DMD: variants seen among roughly 807,000 people sequenced by gnomAD.
DMD encodes the protein dystrophin.
In DMD, 63 loss-of-function variants were observed where a neutral mutation model predicts 330.1. The observed-to-expected ratio is 0.19, with a 90% CI of 0.16 to 0.24. The LOEUF is 0.24. Among genes scored for constraint, DMD ranks in the 10% least tolerant of loss-of-function variants. The pLI is 1.00. For missense variants in DMD, 3,344 were observed against 2,684.1 expected (o/e 1.25, Z -5.43); for synonymous variants, 1,223 against 959.8 (o/e 1.27, Z -5.07).
At chrX:33,087,193 T>C (rs1157716061) in intron 1 of DMD, among the ~76,000 whole-genome samples, 2 of 111,840 alleles carry the variant, frequency 1.8e-5, no homozygotes, top group Non-Finnish European at 3.8e-5. Context: ...TTCAGAGGAT[T>C]CCTGTGTAAT....
chrX:32,536,276 A>C (rs1285845237), intron 17 of DMD, among the ~76,000 whole-genome samples: 105 of 107,604 alleles, frequency 9.8e-4, no homozygotes, highest in African/African-American at 3.6e-3. Flanking sequence ...AAAAAAAAAA[A>C]AAAAAAAAAA....
intron 41 of DMD, among the ~76,000 whole-genome samples, chrX:32,328,395 C>T (rs2058368895): frequency 9.0e-6 from 1 of 111,512 alleles, no homozygotes; most frequent in Admixed American, 9.6e-5. Context: ...AGACAAATGT[C>T]GTGATACCCT....
intron 60 of DMD, among the ~76,000 whole-genome samples, chrX:31,437,350 G>A (rs1033032304): frequency 4.5e-5 from 5 of 111,448 alleles, no homozygotes; most frequent in African/African-American, 1.6e-4. Context: ...CTGTAGTTTG[G>A]GAATGAATTT....
At chrX:31,303,070 A>G (rs2054770136) in intron 62 of DMD, among the ~76,000 whole-genome samples, 1 of 111,811 alleles carries the variant, frequency 8.9e-6, no homozygotes, top group African/African-American at 3.2e-5. Flanking sequence ...CCTCTCCCAT[A>G]CTACAACTAG....
chrX:32,428,212 AATTTTT>A (rs1363703789), intron 29 of DMD, among the ~76,000 whole-genome samples: 1 of 111,650 alleles, frequency 9.0e-6, no homozygotes, highest in African/African-American at 3.3e-5. Flanking sequence ...AATTAGTTTT[AATTTTT>A]ATTTTTATTA....
chrX:32,528,448 T>A (rs960155783), intron 17 of DMD, among the ~76,000 whole-genome samples: 2 of 112,230 alleles, frequency 1.8e-5, no homozygotes, highest in African/African-American at 6.5e-5. Context: ...TGCTTTAAAT[T>A]GTAAAAATTT....
At chrX:32,430,376 A>G (rs1391464617) in intron 29 of DMD, among the ~76,000 whole-genome samples, 1 of 111,584 alleles carries the variant, frequency 9.0e-6, no homozygotes, top group Non-Finnish European at 1.9e-5. Flanking sequence ...AATATCCTTC[A>G]TATATTACTC....
rs749910526 is a variant in DMD, at chrX:31,640,405, T to G, written c.8028-12543A>C. Among the ~76,000 whole-genome samples, 29 of 112,696 alleles carry G rather than the reference T, an allele frequency of 2.6e-4. 1 individual carries two copies. The South Asian group carries it at 0.01, about 40-fold the overall frequency. On this transcript the variant is annotated intron_variant, in intron 54 of 78. Transcript: ENST00000357033. ...TTACCTAAGTCTGGTAAACCTGTTT[T>G]GACAAGAATGACAACGAGGAAGCTT...
intron 1 of DMD, among the ~76,000 whole-genome samples, chrX:33,270,853 C>G (rs1253093644): frequency 9.0e-6 from 1 of 111,548 alleles, no homozygotes; most frequent in Non-Finnish European, 1.9e-5. Context: ...ATGCTATAAA[C>G]TATATATATG....
At chrX:32,221,556 T>A (rs2097132031) in intron 43 of DMD, among the ~76,000 whole-genome samples, 1 of 112,111 alleles carries the variant, frequency 8.9e-6, no homozygotes, top group African/African-American at 3.2e-5. Context: ...TTAATGTTTT[T>A]AAAAAATTCA....
At chrX:32,815,520 T>TATATATATATATATATACACACACACAC in intron 6 of DMD, among the ~76,000 whole-genome samples, 5 of 78,916 alleles carry the variant, frequency 6.3e-5, no homozygotes, top group African/African-American at 2.7e-4. Flanking sequence ...TATATATATA[T>TATATATATATATATATACACACACACAC]ACACACACAC....
At chrX:31,636,812 G>T (rs58261785) in intron 54 of DMD, among the ~76,000 whole-genome samples, 2,146 of 111,725 alleles carry the variant, frequency 0.019, 60 homozygotes, top group African/African-American at 0.065. Flanking sequence ...TCTATGAGAT[G>T]TGTTACAATA....
At chrX:32,435,051 T>C (rs2098254251) in intron 29 of DMD, among the ~76,000 whole-genome samples, 1 of 108,833 alleles carries the variant, frequency 9.2e-6, no homozygotes, top group South Asian at 4.0e-4. Flanking sequence ...TGCTTAATCA[T>C]TGAGGTACAA....
At chrX:32,998,577 ATTACT>A (rs1002473409) in intron 2 of DMD, among the ~76,000 whole-genome samples, 4 of 108,694 alleles carry the variant, frequency 3.7e-5, no homozygotes, top group African/African-American at 6.6e-5. Flanking sequence ...TCAGATTTTA[ATTACT>A]TTAAAGTTCT....
chrX:32,247,061 C>T (rs2148129072), intron 43 of DMD, among the ~76,000 whole-genome samples: 1 of 111,335 alleles, frequency 9.0e-6, no homozygotes, highest in South Asian at 3.7e-4. Context: ...AGTTGTTGAA[C>T]CAAGTTTGAA....
intron 63 of DMD, among the ~76,000 whole-genome samples, chrX:31,240,168 T>C (rs2048107140): frequency 9.0e-6 from 1 of 110,972 alleles, no homozygotes; most frequent in African/African-American, 3.3e-5. Flanking sequence ...AGTGCAAGTT[T>C]TCATTCACCA....
chrX:33,001,223 C>A (rs1235393392), intron 2 of DMD, among the ~76,000 whole-genome samples: 1 of 111,536 alleles, frequency 9.0e-6, no homozygotes, highest in Non-Finnish European at 1.9e-5. Flanking sequence ...TATTGAGGAC[C>A]ACAGATGCTG....
chrX:32,793,055 C>G (rs1480374611), intron 7 of DMD, among the ~76,000 whole-genome samples: 1 of 111,766 alleles, frequency 8.9e-6, no homozygotes, highest in African/African-American at 3.3e-5. Flanking sequence ...TATGTTATGA[C>G]AGAATATGTC....
chrX:33,273,165 A>G (rs1157455049), intron 1 of DMD, among the ~76,000 whole-genome samples: 1 of 112,395 alleles, frequency 8.9e-6, no homozygotes, highest in Non-Finnish European at 1.9e-5. Flanking sequence ...CTGAACAACA[A>G]TGTAACATCA....
Sources: gnomAD v4.1 joint callset for allele counts (sites outside exome capture counted in the v4.1 genomes callset) on GRCh38, gnomAD v4.1.1 for gene constraint, MANE v1.5 for transcripts, NCBI Gene and HGNC (gene_info 2026-07-23, HGNC 2026-07-21) for gene names.